The following MRTFA variants were observed in gnomAD, a reference collection of about 807,000 sequenced individuals.
MRTFA encodes the protein myocardin-related transcription factor A.
In MRTFA, 20 loss-of-function variants were observed where a neutral mutation model predicts 83.5. The observed-to-expected ratio is 0.24, with a 90% CI of 0.17 to 0.35. The LOEUF is 0.35. Among genes scored for constraint, MRTFA ranks in the 10% least tolerant of loss-of-function variants. The pLI is 1.00. For missense variants in MRTFA, 1,200 were observed against 1,224.7 expected (o/e 0.98, Z 0.30); for synonymous variants, 659 against 541.2 (o/e 1.22, Z -3.02).
Position 40,418,558 on chromosome 22 carries a change from G to C in MRTFA, c.2180C>G (p.Ala727Gly). 1 of 1,568,180 alleles carries C rather than the reference G, an allele frequency of 6.4e-7. No homozygotes were observed. The highest frequency in any genetic ancestry group is 8.6e-7 in the Non-Finnish European group (1 of 1,162,720). ...GACCGGCTCGGGCTCAGGCTGCAAG[G>C]CTTCCTGCTTCACCACCACGGACGG... The change falls in exon 12 of 15, where the codon GCC becomes GGC. Residue 727 changes from alanine (A) to glycine (G), a missense_variant. By Grantham distance (60) the Ala-to-Gly change is moderately conservative. Transcript: ENST00000355630.
chr22:40,617,325 G>A (rs1197775574), intron 1 of MRTFA, among the ~76,000 whole-genome samples: 1 of 152,118 alleles, frequency 6.6e-6, no homozygotes, highest in Non-Finnish European at 1.5e-5. Context: ...GTCTCCTACA[G>A]AGAGAGAAAA....
At chr22:40,458,217 A>G (rs1185425658) in intron 4 of MRTFA, among the ~76,000 whole-genome samples, 1 of 152,200 alleles carries the variant, frequency 6.6e-6, no homozygotes, top group Non-Finnish European at 1.5e-5. Flanking sequence ...AGACCATACA[A>G]GCCTCTGCTA....
In MRTFA at chr22:40,457,473, A is replaced by AGGAAGAAAGAAG. The variant is rs1569275900; in HGVS notation, c.307+5747_307+5748insCTTCTTTCTTCC. The stretch of plus-strand genomic sequence containing the variant: ...AAGAAAGAAAGAAAGAAAGAAAGAA[A>AGGAAGAAAGAAG]GAAAGAAAGAAAGAAGGAAAGAAAG... On this transcript the variant is annotated intron_variant, in intron 4 of 14. Coordinates refer to ENST00000355630, the MANE Select transcript of MRTFA (RefSeq NM_020831.6). Among the ~76,000 whole-genome samples the AGGAAGAAAGAAG allele has an allele frequency of 3.5e-4, 50 of 143,712 alleles. 1 individual carries two copies. The highest frequency in any genetic ancestry group is 6.9e-3 in the Middle Eastern group (2 of 290). 94.3% of individuals were successfully genotyped at this position (143,712 alleles called of 152,430 possible).
At chr22:40,435,931 T>TC (rs200002377) in intron 4 of MRTFA, among the ~76,000 whole-genome samples, 14 of 108,448 alleles carry the variant, frequency 1.3e-4, no homozygotes, top group South Asian at 5.7e-4. Context: ...CGAGAAACCG[T>TC]CCCCCAAAAA....
intron 1 of MRTFA, among the ~76,000 whole-genome samples, chr22:40,607,018 T>C (rs2056325610): frequency 6.6e-6 from 1 of 152,188 alleles, no homozygotes; most frequent in Non-Finnish European, 1.5e-5. Context: ...TCAAGTAAGA[T>C]AGCATACATG....
chr22:40,507,486 T>C (rs1341258853), intron 3 of MRTFA, among the ~76,000 whole-genome samples: 1 of 151,014 alleles, frequency 6.6e-6, no homozygotes, highest in Non-Finnish European at 1.5e-5. Flanking sequence ...TACAAAAAAT[T>C]AGAAGGGTGC....
In MRTFA at chr22:40,574,437, A is replaced by AT. The variant is rs1266659027; in HGVS notation, c.-22+20236dup. 8.1e-4 allele frequency among the ~76,000 whole-genome samples: 114 copies of AT among 140,222 alleles called. 1 individual carries two copies. The highest frequency in any genetic ancestry group is 3.2e-3 in the East Asian group (13 of 4,006). The allele number at this position is 140,222 out of a possible 152,430, so 92.0% of individuals were successfully genotyped here. ...TTACACTGCATTAGTTATTATTATT[A>AT]TTATTTTTTTTTTTTGAGATGGAGC... is the stretch of plus-strand genomic sequence containing the variant. On this transcript the variant is annotated intron_variant, in intron 2 of 14. Coordinates refer to ENST00000355630, the MANE Select transcript of MRTFA (RefSeq NM_020831.6).
intron 14 of MRTFA, among the ~76,000 whole-genome samples, chr22:40,413,137 CAAAAAAAAAAAAA>C (rs35119560): frequency 4.3e-4 from 12 of 28,138 alleles, no homozygotes; most frequent in East Asian, 2.2e-3. Flanking sequence ...CACCCTGTCT[CAAAAAAAAAAAAA>C]AAAAAAAAAA....
At chr22:40,505,313 T>A (rs1307163429) in intron 3 of MRTFA, among the ~76,000 whole-genome samples, 1 of 152,250 alleles carries the variant, frequency 6.6e-6, no homozygotes, top group East Asian at 1.9e-4. Context: ...TCCTCTCTCA[T>A]ACTGTATCTA....
At chr22:40,588,896 T>G (rs185751025) in intron 2 of MRTFA, among the ~76,000 whole-genome samples, 81 of 152,286 alleles carry the variant, frequency 5.3e-4, no homozygotes, top group Non-Finnish European at 8.7e-4. Context: ...GCAGGATGAC[T>G]GCTTGAGTCC....
intron 2 of MRTFA, among the ~76,000 whole-genome samples, chr22:40,553,371 G>C (rs1334579943): frequency 6.6e-6 from 1 of 152,184 alleles, no homozygotes; most frequent in African/African-American, 2.4e-5. Context: ...GAAGGCATAG[G>C]AGGGAAAAAT....
At chr22:40,538,990 G>GTTTTTTTTTTTTTTTTTTTTTTTTTTT (rs1329210578) in intron 3 of MRTFA, among the ~76,000 whole-genome samples, 1 of 119,326 alleles carries the variant, frequency 8.4e-6, no homozygotes. Context: ...ACAGCCTTTT[G>GTTTTTTTTTTTTTTTTTTTTTTTTTTT]TTTTTTTTTT....
At chr22:40,417,837 C>T in intron 12 of MRTFA, 1 of 283,482 alleles carries the variant, frequency 3.5e-6, no homozygotes, top group South Asian at 4.8e-5. Context: ...TCACTGTCTT[C>T]TCTACCCCCA....
chr22:40,423,217 T>C (rs1175391085), intron 9 of MRTFA, among the ~76,000 whole-genome samples: 3 of 152,228 alleles, frequency 2.0e-5, no homozygotes, highest in African/African-American at 7.2e-5. Context: ...GCTCCTCTCT[T>C]GTAGCACAGG....
intron 3 of MRTFA, among the ~76,000 whole-genome samples, chr22:40,527,383 GT>G (rs549254361): frequency 4.3e-4 from 61 of 143,074 alleles, no homozygotes; most frequent in South Asian, 2.0e-3. Context: ...AGAAAGTGGA[GT>G]TTTTTTTTTT....
At chr22:40,635,574 C>T (rs573860628) in intron 1 of MRTFA, among the ~76,000 whole-genome samples, 1 of 152,288 alleles carries the variant, frequency 6.6e-6, no homozygotes, top group African/African-American at 2.4e-5. Flanking sequence ...TTCAACTGCC[C>T]TTTCGTTATG....
At chr22:40,592,441 C>T (rs1218446102) in intron 2 of MRTFA, among the ~76,000 whole-genome samples, 1 of 150,602 alleles carries the variant, frequency 6.6e-6, no homozygotes, top group Non-Finnish European at 1.5e-5. Context: ...TAAATCAAGA[C>T]CCTGTCTCTT....
chr22:40,632,341 T>C (rs1485638275), intron 1 of MRTFA, among the ~76,000 whole-genome samples: 1 of 152,174 alleles, frequency 6.6e-6, no homozygotes, highest in Non-Finnish European at 1.5e-5. Flanking sequence ...TGGAGTGCAG[T>C]GGCACGATCT....
intron 4 of MRTFA, among the ~76,000 whole-genome samples, chr22:40,442,075 A>G (rs1036842734): frequency 2.0e-5 from 3 of 152,192 alleles, no homozygotes; most frequent in Non-Finnish European, 2.9e-5. Context: ...AGATTTACTT[A>G]AACAAGTAGG....
Sources: gnomAD v4.1 joint callset for allele counts (sites outside exome capture counted in the v4.1 genomes callset) on GRCh38, gnomAD v4.1.1 for gene constraint, MANE v1.5 for transcripts, NCBI Gene and HGNC (gene_info 2026-07-23, HGNC 2026-07-21) for gene names.